Variants in SLF1 observed in about 807,000 individuals in gnomAD.
SLF1 encodes the protein SMC5-SMC6 complex localization factor protein 1.
A neutral mutation model predicts 123.0 loss-of-function variants in SLF1; 105 were observed. That is an observed-to-expected ratio of 0.85 (90% CI 0.73 to 1.00). The LOEUF (loss-of-function observed/expected upper bound fraction) is 1.00. SLF1 is among the 50% of genes least tolerant of loss of function. The pLI is 0.00. For synonymous variants in SLF1, 434 were observed against 406.6 expected (o/e 1.07, Z -0.81); for missense variants, 1,239 against 1,223.0 (o/e 1.01, Z -0.20).
At chr5:94,675,904 AT>A (rs70978120) in intron 14 of SLF1, among the ~76,000 whole-genome samples, 6,714 of 121,698 alleles carry the variant, frequency 0.055, 222 homozygotes, top group African/African-American at 0.1. Flanking sequence ...CAACTGGTTG[AT>A]TTTTTTTTTT....
chr5:94,622,750 TAA>T (rs1412193192), intron 1 of SLF1, among the ~76,000 whole-genome samples: 3 of 152,094 alleles, frequency 2.0e-5, no homozygotes, highest in Non-Finnish European at 4.4e-5. Context: ...GTTTTTTTAT[TAA>T]GTCTTAAATA....
At chr5:94,619,926 A>G (rs1281865475) in intron 1 of SLF1, 1 of 151,968 alleles carries the variant, frequency 6.6e-6, no homozygotes, top group African/African-American at 2.4e-5. Context: ...TCTGTTGCCC[A>G]GGCTGGAGTG....
At chr5:94,665,211 G>A (rs994780033) in intron 11 of SLF1, among the ~76,000 whole-genome samples, 11 of 152,164 alleles carry the variant, frequency 7.2e-5, no homozygotes, top group Non-Finnish European at 1.5e-4. Flanking sequence ...ACTTTCAGAG[G>A]CCGAGGCCTC....
intron 1 of SLF1, among the ~76,000 whole-genome samples, chr5:94,618,971 T>C (rs1236203631): frequency 6.6e-6 from 1 of 152,128 alleles, no homozygotes; most frequent in African/African-American, 2.4e-5. Flanking sequence ...GCGCCGGAGT[T>C]GGTGGGCTGC....
In SLF1 at chr5:94,695,143, A is replaced by G. The variant is rs1753437510; in HGVS notation, c.3008A>G (p.His1003Arg). 6.2e-7 allele frequency: 1 copy of G among 1,612,840 alleles called. No homozygotes were observed. Among genetic ancestry groups the G allele is most frequent in the East Asian group, 2.2e-5 (1 of 44,834 alleles). Reference protein sequence around the residue: ...CKSHKETTSVHTDWLLDLYAG... With the variant: ...CKSHKETTSVRTDWLLDLYAG... ...AGTCATAAAGAAACCACCAGTGTTCATACTGACTGGTTACTGGATCTTTAT... is the reference window on the plus strand; with the variant it reads ...AGTCATAAAGAAACCACCAGTGTTCGTACTGACTGGTTACTGGATCTTTAT... Residue 1003 changes from histidine to arginine, a missense_variant, in exon 21 of 21, where the codon CAT (histidine) becomes CGT (arginine). Coordinates refer to ENST00000265140, the MANE Select transcript of SLF1 (RefSeq NM_032290.4).
Position 94,628,821 on chromosome 5 carries a change from G to A in SLF1, c.11G>A (p.Gly4Asp), listed in dbSNP as rs199976521. The A allele has an allele frequency of 8.7e-5, 134 of 1,536,962 alleles. No individual in the cohort carries two copies. Among genetic ancestry groups the A allele is most frequent in the Non-Finnish European group, 1.0e-4 (118 of 1,140,590 alleles). ...GTTTGTATTTGTTAGATGGAAGATGGTACCCCAAAGCATATCATCCAGATG... is the reference window on the plus strand; with the variant it reads ...GTTTGTATTTGTTAGATGGAAGATGATACCCCAAAGCATATCATCCAGATG... MED[G>D]TPKHIIQMTG... Residue 4 changes from glycine to aspartate, a missense_variant, in exon 2 of 21, where the codon GGT (glycine) becomes GAT (aspartate). Coordinates refer to ENST00000265140, the MANE Select transcript of SLF1 (RefSeq NM_032290.4).
rs1753447325 is a variant in SLF1 at position 94,695,252 on chromosome 5, C to T, written c.3117C>T (p.His1039=). The change falls in exon 21 of 21, where the codon CAC becomes CAT. Residue 1039 remains histidine, a synonymous_variant. Transcript: ENST00000265140. ...ATTTGAAAGTGTGTCCTGGGGTACA[C>T]ACTGAGGCCTTGATGATAACATTGG... ...PENLKVCPGV[H]TEALMITLEM... The T allele has an allele frequency of 1.2e-6, 2 of 1,612,192 alleles. No individual in the cohort carries two copies. The highest frequency in any genetic ancestry group is 1.3e-5 in the African/African-American group (1 of 74,914).
At chr5:94,676,055 A>G (rs995798549) in intron 14 of SLF1, among the ~76,000 whole-genome samples, 3 of 151,974 alleles carry the variant, frequency 2.0e-5, no homozygotes, top group African/African-American at 7.3e-5. Flanking sequence ...TTGATTTACT[A>G]TACCCTTGAG....
At position 94,670,872 on chromosome 5, in the gene SLF1, T is replaced by G; in HGVS notation, c.1691T>G (p.Leu564Arg). The G allele has an allele frequency of 6.5e-7, 1 of 1,549,956 alleles. No homozygotes were observed. Among genetic ancestry groups the G allele is most frequent in the Non-Finnish European group, 8.7e-7 (1 of 1,145,814 alleles). ...TATGACTGGTCAGATTCTCAGAATC[T>G]GAAAATAACAGGAAAGGCAATGCTT... ...KLYDWSDSQNLKITGKAMLLE... is the reference protein window; with the variant it reads ...KLYDWSDSQNRKITGKAMLLE... Residue 564 changes from leucine (L) to arginine (R), a missense_variant, in exon 14 of 21, where the codon CTG becomes CGG. Leu to Arg is a moderately radical substitution (Grantham distance 102). Transcript: ENST00000265140.
At chr5:94,647,362 C>G (rs1462479750) in intron 5 of SLF1, among the ~76,000 whole-genome samples, 2 of 152,178 alleles carry the variant, frequency 1.3e-5, no homozygotes, top group African/African-American at 4.8e-5. Flanking sequence ...TCAGTTCATT[C>G]AAGTTGTGTG....
Position 94,695,101 on chromosome 5 carries a change from T to G in SLF1, c.2966T>G (p.Leu989Arg), listed in dbSNP as rs1293228012. 2.5e-6 allele frequency: 4 copies of G among 1,612,758 alleles called. No homozygotes were observed. Among genetic ancestry groups the G allele is most frequent in the Non-Finnish European group, 1.7e-6 (2 of 1,179,182 alleles). ...ASKGLTHLNE[L>R]LMACKSHKET... ...AAAGGGTTAACTCATCTAAATGAAC[T>G]GCTTATGGCTTGTAAAAGTCATAAA... The change falls in exon 21 of 21, where the codon CTG becomes CGG. Residue 989 changes from leucine to arginine, a missense_variant. Leu to Arg is a moderately radical substitution (Grantham distance 102). Coordinates refer to ENST00000265140, the MANE Select transcript of SLF1 (RefSeq NM_032290.4).
chr5:94,676,235 G>C (rs1158536715), intron 14 of SLF1, among the ~76,000 whole-genome samples: 1 of 152,146 alleles, frequency 6.6e-6, no homozygotes, highest in Non-Finnish European at 1.5e-5. Context: ...TCACTGTTCT[G>C]TTTTATATTC....
intron 9 of SLF1, among the ~76,000 whole-genome samples, chr5:94,659,960 A>T (rs573737091): frequency 1.3e-5 from 2 of 152,194 alleles, no homozygotes; most frequent in East Asian, 3.9e-4. Context: ...CAGTGGTGGA[A>T]ATAGGCTGAG....
rs1339909874 is a variant in SLF1 at position 94,695,359 on chromosome 5, A to G, written c.*47A>G. ...GACTTTCTAAATCTGTTCAGTTTGC[A>G]TTGGTACTTACTGTGGACTTCATAG... On this transcript the variant is annotated 3_prime_UTR_variant, in exon 21 of 21. Coordinates refer to ENST00000265140, the MANE Select transcript of SLF1 (RefSeq NM_032290.4). The G allele has an allele frequency of 1.3e-6, 2 of 1,546,462 alleles. No homozygotes were observed. The highest frequency in any genetic ancestry group is 8.7e-7 in the Non-Finnish European group (1 of 1,146,658).
At position 94,649,509 on chromosome 5, in the gene SLF1, G is replaced by A. The variant is rs754832781; in HGVS notation, c.650G>A (p.Ser217Asn). Reference sequence around the variant, plus strand: ...ACCAATTCTGTTTGGACTGAACATAGCAATGAAGAAACAAACAAAGATTTC... The same window carrying A: ...ACCAATTCTGTTTGGACTGAACATAACAATGAAGAAACAAACAAAGATTTC... The part of the protein sequence containing the change: ...SQTNSVWTEH[S>N]NEETNKDFRK... The change falls in exon 6 of 21, where the codon AGC (serine) becomes AAC (asparagine). Residue 217 changes from serine to asparagine, a missense_variant. Transcript: ENST00000265140. The A allele has an allele frequency of 6.5e-7, 1 of 1,543,854 alleles. No homozygotes were observed. The highest frequency in any genetic ancestry group is 8.8e-7 in the Non-Finnish European group (1 of 1,141,474).
chr5:94,695,334 G>T lies in SLF1; in HGVS notation c.*22G>T. 1.3e-6 allele frequency: 2 copies of T among 1,581,634 alleles called. No homozygotes were observed. The highest frequency in any genetic ancestry group is 2.4e-5 in the South Asian group (2 of 85,052). ...ATGATGATGCTAGAAAGTATGGATT[G>T]ACTTTCTAAATCTGTTCAGTTTGCA... is the stretch of plus-strand genomic sequence containing the variant. On this transcript the variant is annotated 3_prime_UTR_variant, in exon 21 of 21. Transcript: ENST00000265140.
Position 94,674,281 on chromosome 5 carries a change from TAAG to T in SLF1, c.1827+3277_1827+3279del, listed in dbSNP as rs994647391. Among the ~76,000 whole-genome samples the T allele has an allele frequency of 5.3e-5, 8 of 152,304 alleles. No homozygotes were observed. The East Asian group carries it at 9.6e-4, about 18-fold the overall frequency. ...GGACTATCACAGATAAGAAATTACT[TAAG>T]AAGCTCTGATGTAAATAGTAACAGA... On this transcript the variant is annotated intron_variant, in intron 14 of 20. Transcript: ENST00000265140.
At chr5:94,666,406 T>G (rs1749761399) in intron 12 of SLF1, among the ~76,000 whole-genome samples, 1 of 152,260 alleles carries the variant, frequency 6.6e-6, no homozygotes, top group African/African-American at 2.4e-5. Context: ...TTTTAGGGCT[T>G]CAGTTATATT....
In SLF1 at chr5:94,622,552, C is replaced by T. The variant is rs143104514; in HGVS notation, c.-1+3787C>T. Among the ~76,000 whole-genome samples, 114 of 152,206 alleles carry T rather than the reference C, an allele frequency of 7.5e-4. 1 individual carries two copies. The highest frequency in any genetic ancestry group is 2.5e-3 in the African/African-American group (105 of 41,522). ...CACTCAGATAAAACCTAAAAGTCAA[C>T]ATCCCTCCCCAGTGTTAACAATGGT... On this transcript the variant is annotated intron_variant, in intron 1 of 20. Transcript: ENST00000265140.
Sources: allele counts gnomAD v4.1 joint callset (sites outside exome capture counted in the v4.1 genomes callset), GRCh38; gene constraint gnomAD v4.1.1; transcripts MANE v1.5; gene names NCBI Gene and HGNC (gene_info 2026-07-23, HGNC 2026-07-21).